LRCH2: variants seen among roughly 807,000 people sequenced by gnomAD.
LRCH2 encodes leucine-rich repeat and calponin homology domain-containing protein 2.
In LRCH2, 38 loss-of-function variants were observed where a neutral mutation model predicts 68.9. The observed-to-expected ratio is 0.55, with a 90% CI of 0.43 to 0.72. The LOEUF is 0.72. LRCH2 is among the 30% of genes least tolerant of loss of function. LRCH2 has a pLI of 0.00. For synonymous variants in LRCH2, 191 were observed against 208.1 expected, an observed-to-expected ratio of 0.92 and a Z score of 0.71; for missense variants, 528 against 572.9, an observed-to-expected ratio of 0.92 and a Z score of 0.80.
At chrX:115,222,560 G>T (rs1312206586) in intron 1 of LRCH2, among the ~76,000 whole-genome samples, 1 of 112,126 alleles carries the variant, frequency 8.9e-6, no homozygotes, top group Non-Finnish European at 1.9e-5. Flanking sequence ...AAGGATAAAT[G>T]ATCACTTATA....
intron 1 of LRCH2, among the ~76,000 whole-genome samples, chrX:115,220,953 C>T (rs782242535): frequency 2.8e-5 from 3 of 108,073 alleles, no homozygotes; most frequent in East Asian, 5.8e-4. Context: ...TTTGGGAGGC[C>T]GAGGCGGGTG....
At chrX:115,136,075 C>T (rs1556531897) in intron 14 of LRCH2, among the ~76,000 whole-genome samples, 1 of 111,421 alleles carries the variant, frequency 9.0e-6, no homozygotes. Context: ...GAATCAAACC[C>T]ACAATATCTC....
At chrX:115,192,202 C>T (rs11795689) in intron 1 of LRCH2, 120,465 of 1,164,697 alleles carry the variant, frequency 0.1, 4,483 homozygotes, top group Middle Eastern at 0.12. Flanking sequence ...AGGCCGCTCG[C>T]CCAATGCCTA....
chrX:115,181,052 T>C (rs1390570143), intron 3 of LRCH2, among the ~76,000 whole-genome samples: 1 of 111,594 alleles, frequency 9.0e-6, no homozygotes, highest in East Asian at 2.8e-4. Context: ...TATTGAGCAG[T>C]ACTGTCAGAG....
At position 115,230,696 on chromosome X, in the gene LRCH2, C is replaced by T. The variant is rs2073147364; in HGVS notation, c.349+2997G>A. Among the ~76,000 whole-genome samples, 3 of 111,828 alleles carry T rather than the reference C, an allele frequency of 2.7e-5. No individual in the cohort carries two copies. The Admixed American group carries it at 2.8e-4, about 11-fold the overall frequency. On this transcript the variant is annotated intron_variant, in intron 1 of 20. Coordinates refer to ENST00000317135, the MANE Select transcript of LRCH2 (RefSeq NM_020871.4). The stretch of plus-strand genomic sequence containing the variant: ...CGTAAATTTATCAAACAATTTGAAA[C>T]AATTTTTGAGTATTTAGTTCCTAGT...
intron 1 of LRCH2, among the ~76,000 whole-genome samples, chrX:115,199,095 G>T (rs782061160): frequency 2.7e-5 from 3 of 112,061 alleles, no homozygotes; most frequent in African/African-American, 9.7e-5. Flanking sequence ...AAACGTGGAA[G>T]TAAAAGCGAT....
intron 6 of LRCH2, among the ~76,000 whole-genome samples, chrX:115,168,185 G>C (rs189066752): frequency 8.9e-6 from 1 of 111,895 alleles, no homozygotes; most frequent in South Asian, 3.7e-4. Context: ...GTATAATAAA[G>C]AGTTTACAAA....
At chrX:115,178,424 T>C (rs1459547103) in intron 5 of LRCH2, among the ~76,000 whole-genome samples, 1 of 112,293 alleles carries the variant, frequency 8.9e-6, no homozygotes, top group East Asian at 2.8e-4. Flanking sequence ...ATTGGACCAG[T>C]GTCGATTATA....
chrX:115,136,024 T>G (rs2072287133), intron 14 of LRCH2, among the ~76,000 whole-genome samples: 1 of 112,409 alleles, frequency 8.9e-6, no homozygotes, highest in African/African-American at 3.2e-5. Context: ...TTCATGTGAC[T>G]TGCTTTATTG....
At chrX:115,165,382 A>G in intron 10 of LRCH2, 23 bp downstream of exon 10, 3 of 1,044,477 alleles carry the variant, frequency 2.9e-6, no homozygotes, top group Non-Finnish European at 3.9e-6. Flanking sequence ...TATAAATAAC[A>G]TTTCATTTTC....
At chrX:115,215,787 A>C (rs1340131831) in intron 1 of LRCH2, among the ~76,000 whole-genome samples, 2 of 108,179 alleles carry the variant, frequency 1.8e-5, no homozygotes, top group African/African-American at 3.4e-5. Context: ...AAAAAAAAAA[A>C]AAAACATAAT....
chrX:115,165,929 GCTGA>G lies in LRCH2; in HGVS notation c.1106_1109del (p.Val369AlafsTer21). The stretch of plus-strand genomic sequence containing the variant: ...TTGATTCTGAGACTTGAGAATGAAG[GCTGA>G]CTGTGTCATCATCTGATGGCTAAAA... On this transcript the variant is annotated frameshift_variant, in exon 8 of 21. Transcript: ENST00000317135. LOFTEE classifies it high-confidence loss of function. 8.6e-7 allele frequency: 1 copy of G among 1,162,521 alleles called. No individual in the cohort carries two copies. Among genetic ancestry groups the G allele is most frequent in the Non-Finnish European group, 1.2e-6 (1 of 867,894 alleles).
At chrX:115,230,061 C>T (rs782138182) in intron 1 of LRCH2, among the ~76,000 whole-genome samples, 1 of 112,240 alleles carries the variant, frequency 8.9e-6, no homozygotes, top group East Asian at 2.8e-4. Context: ...ACAGAGTCAA[C>T]TATGCAAGGT....
chrX:115,230,354 G>A, intron 1 of LRCH2, among the ~76,000 whole-genome samples: 1 of 110,768 alleles, frequency 9.0e-6, no homozygotes, highest in Non-Finnish European at 1.9e-5. Flanking sequence ...ATCACCAATT[G>A]GAGATTCAAG....
Position 115,117,532 on chromosome X carries a change from GA to G in LRCH2, c.2179-4198del, listed in dbSNP as rs782276112. 5.9e-3 allele frequency among the ~76,000 whole-genome samples: 659 copies of G among 111,463 alleles called. 9 individuals carry two copies. The highest frequency in any genetic ancestry group is 0.02 in the African/African-American group (620 of 30,804). ...TTATTTGTAGCAGCCGCTAAAACTG[GA>G]AACAACCCAAATGTCCATCAGCAGG... is the stretch of plus-strand genomic sequence containing the variant. On this transcript the variant is annotated intron_variant, in intron 20 of 20. Coordinates refer to ENST00000317135, the MANE Select transcript of LRCH2 (RefSeq NM_020871.4).
Position 115,233,897 on chromosome X carries a change from G to C in LRCH2, c.145C>G (p.Pro49Ala). The change falls in exon 1 of 21, where the codon CCC becomes GCC. Residue 49 changes from proline to alanine, a missense_variant. Physicochemically the swap from Pro to Ala is conservative, Grantham distance 27. Transcript: ENST00000317135. Reference sequence around the variant, plus strand: ...CCGAAAAGAGTCGGTACCGGGATGGGGACCACCAGGGTCCCGCCGCCGCCG... The same window carrying C: ...CCGAAAAGAGTCGGTACCGGGATGGCGACCACCAGGGTCCCGCCGCCGCCG... Reference protein sequence around the residue: ...GGGGGGTLVVPIPVPTLFGQP... With the variant: ...GGGGGGTLVVAIPVPTLFGQP... 5.2e-6 allele frequency: 6 copies of C among 1,164,320 alleles called. No homozygotes were observed. The highest frequency in any genetic ancestry group is 6.9e-6 in the Non-Finnish European group (6 of 871,884).
chrX:115,214,944 A>G (rs1556571046), intron 1 of LRCH2, among the ~76,000 whole-genome samples: 3 of 112,381 alleles, frequency 2.7e-5, no homozygotes. Flanking sequence ...ATGACTAATG[A>G]ATCACTGTAA....
Position 115,192,025 on chromosome X carries a change from G to A in LRCH2, c.350-3655C>T, listed in dbSNP as rs1363399345. On this transcript the variant is annotated intron_variant, in intron 1 of 20. Transcript: ENST00000317135. ...CCGCTATGGAGGAGGAGGCCACTAC[G>A]AAGAGTACCGAGGCCGCTCGCACGA... 1.0e-5 allele frequency: 12 copies of A among 1,166,248 alleles called. No individual in the cohort carries two copies. The highest frequency in any genetic ancestry group is 2.3e-4 in the Middle Eastern group (1 of 4,306).
At chrX:115,194,870 G>A (rs148333371) in intron 1 of LRCH2, among the ~76,000 whole-genome samples, 4 of 111,194 alleles carry the variant, frequency 3.6e-5, no homozygotes, top group Admixed American at 2.9e-4. Context: ...TGCAATGAAG[G>A]GTTCAAGTTT....
Sources: allele counts gnomAD v4.1 joint callset (sites outside exome capture counted in the v4.1 genomes callset), GRCh38; gene constraint gnomAD v4.1.1; transcripts MANE v1.5; gene names NCBI Gene and HGNC (gene_info 2026-07-23, HGNC 2026-07-21).